The following TTC39C variants were observed in gnomAD, a reference collection of about 807,000 sequenced individuals.
TTC39C encodes tetratricopeptide repeat domain 39C.
Under a neutral mutation model 76.3 loss-of-function variants are expected in TTC39C, and 33 were observed. That is an observed-to-expected ratio of 0.43 (90% confidence interval 0.33 to 0.58). The LOEUF is 0.58. Among genes scored for constraint, TTC39C ranks in the 20% least tolerant of loss-of-function variants. The pLI is 0.04. For synonymous variants in TTC39C, 254 were observed against 260.6 expected (o/e 0.97, Z 0.24); for missense variants, 595 against 701.4 (o/e 0.85, Z 1.71).
chr18:24,004,150 A>G (rs972557798), intron 1 of TTC39C, among the ~76,000 whole-genome samples: 13 of 152,198 alleles, frequency 8.5e-5, no homozygotes, highest in African/African-American at 3.1e-4. Context: ...CAAGGCTACT[A>G]GAGGTGGTTA....
At chr18:24,081,056 T>C (rs2084370189) in intron 5 of TTC39C, 117 bp downstream of exon 5, 2 of 902,360 alleles carry the variant, frequency 2.2e-6, no homozygotes, top group South Asian at 3.6e-5. Flanking sequence ...GACAGGGTGC[T>C]GTGTCTTATG....
At chr18:24,011,844 A>G (rs1487862319), upstream of TTC39C, among the ~76,000 whole-genome samples, 4 of 152,140 alleles carry the variant, frequency 2.6e-5, no homozygotes, top group Non-Finnish European at 4.4e-5. Context: ...TTCCAAAGGA[A>G]ACACTCGGAT....
intron 1 of TTC39C, among the ~76,000 whole-genome samples, chr18:23,995,784 C>A (rs566883844): frequency 1.4e-4 from 22 of 152,072 alleles, no homozygotes; most frequent in Non-Finnish European, 2.8e-4. Context: ...GTGGGAGGAT[C>A]GCTTGAGCCC....
At chr18:24,012,850 AAC>A (rs143178761), upstream of TTC39C, 9,087 of 145,374 alleles carry the variant, frequency 0.063, 298 homozygotes, top group South Asian at 0.11. Context: ...TGCCCATCAA[AAC>A]ACACACACAC....
chr18:24,091,906 G>A (rs1332748340), intron 6 of TTC39C, among the ~76,000 whole-genome samples: 1 of 151,640 alleles, frequency 6.6e-6, no homozygotes, highest in Non-Finnish European at 1.5e-5. Context: ...TGGCTAACAT[G>A]ATGAAACCCT....
upstream of TTC39C, among the ~76,000 whole-genome samples, chr18:24,012,748 G>A (rs985677334): frequency 1.3e-5 from 2 of 151,994 alleles, no homozygotes; most frequent in African/African-American, 2.4e-5. Flanking sequence ...GGTGACCTCG[G>A]GCAGTGTGTG....
chr18:24,023,995 TATATATATATATA>T (rs2083561714), intron 1 of TTC39C, among the ~76,000 whole-genome samples: 1 of 6,484 alleles, frequency 1.5e-4, no homozygotes, highest in African/African-American at 5.4e-4. Context: ...TATATATATA[TATATATATATATA>T]TATATATATT....
chr18:24,000,341 T>C (rs933264573), intron 1 of TTC39C: 1 of 152,038 alleles, frequency 6.6e-6, no homozygotes, highest in African/African-American at 2.4e-5. Context: ...GAGAAATGTA[T>C]AGAGGGAAGG....
At chr18:24,023,998 A>ATTTTTTTTTTTTTTTTT in intron 1 of TTC39C, among the ~76,000 whole-genome samples, 1 of 3,894 alleles carries the variant, frequency 2.6e-4, no homozygotes, top group East Asian at 8.5e-3. Flanking sequence ...ATATATATAT[A>ATTTTTTTTTTTTTTTTT]TATATATATA....
At chr18:24,052,825 A>G (rs2083969649) in intron 1 of TTC39C, among the ~76,000 whole-genome samples, 1 of 152,184 alleles carries the variant, frequency 6.6e-6, no homozygotes, top group Admixed American at 6.5e-5. Flanking sequence ...GATGTGGCGC[A>G]GTGGAGTGTG....
chr18:24,084,811 G>A (rs1042909765), intron 6 of TTC39C, among the ~76,000 whole-genome samples: 2 of 152,030 alleles, frequency 1.3e-5, no homozygotes, highest in Non-Finnish European at 2.9e-5. Context: ...ACTGCTGTGC[G>A]ACACCATGCC....
At chr18:24,042,590 T>A (rs887395825) in intron 1 of TTC39C, among the ~76,000 whole-genome samples, 1 of 152,142 alleles carries the variant, frequency 6.6e-6, no homozygotes, top group Non-Finnish European at 1.5e-5. Context: ...TTAGTGAACA[T>A]CTTTATACAC....
chr18:24,111,877 G>A (rs1400070447), intron 6 of TTC39C, among the ~76,000 whole-genome samples: 1 of 151,488 alleles, frequency 6.6e-6, no homozygotes, highest in Non-Finnish European at 1.5e-5. Flanking sequence ...ACTCCAGCAT[G>A]GGAGACAGAG....
chr18:24,025,084 G>T (rs984034371), intron 1 of TTC39C, among the ~76,000 whole-genome samples: 1 of 152,088 alleles, frequency 6.6e-6, no homozygotes, highest in South Asian at 2.1e-4. Context: ...AGCTAGGCTG[G>T]TCTTGAACTC....
chr18:24,017,606 C>T (rs1008065661), intron 1 of TTC39C, among the ~76,000 whole-genome samples: 7 of 152,132 alleles, frequency 4.6e-5, no homozygotes, highest in East Asian at 3.8e-4. Context: ...TTACGTATTA[C>T]GTATGAAGGA....
At chr18:24,045,483 C>CA (rs1251183550) in intron 1 of TTC39C, among the ~76,000 whole-genome samples, 3 of 151,910 alleles carry the variant, frequency 2.0e-5, no homozygotes, top group Non-Finnish European at 4.4e-5. Context: ...AATAAATACC[C>CA]AAAATACCAT....
At chr18:24,071,694 A>G (rs2084243304) in intron 4 of TTC39C, among the ~76,000 whole-genome samples, 1 of 152,222 alleles carries the variant, frequency 6.6e-6, no homozygotes, top group Non-Finnish European at 1.5e-5. Context: ...ATTCCTCATG[A>G]ACGTTTAGAC....
intron 1 of TTC39C, among the ~76,000 whole-genome samples, chr18:23,996,306 C>T (rs893241862): frequency 2.0e-5 from 3 of 152,228 alleles, no homozygotes; most frequent in African/African-American, 7.2e-5. Flanking sequence ...GAAAACTTCC[C>T]TAAGTGTATC....
At chr18:24,121,658 T>C (rs746203797) in intron 8 of TTC39C, among the ~76,000 whole-genome samples, 2 of 152,224 alleles carry the variant, frequency 1.3e-5, no homozygotes, top group Non-Finnish European at 2.9e-5. Context: ...ATGGATGTTA[T>C]AGACCTTTGG....
Sources: gnomAD v4.1 joint callset for allele counts (sites outside exome capture counted in the v4.1 genomes callset) on GRCh38, gnomAD v4.1.1 for gene constraint, MANE v1.5 for transcripts, NCBI Gene and HGNC (gene_info 2026-07-23, HGNC 2026-07-21) for gene names.